Variants in STAC observed in about 807,000 individuals in gnomAD.
STAC encodes SH3 and cysteine rich domain.
In STAC, 43 loss-of-function variants were observed where a neutral mutation model predicts 48.8. That is an observed-to-expected ratio of 0.88 (90% CI 0.69 to 1.14). The LOEUF (loss-of-function observed/expected upper bound fraction) is 1.14, where lower values mean the gene tolerates loss of function less well. STAC is among the 50% of genes most tolerant of loss of function. The pLI is 0.00. For synonymous variants in STAC, 193 were observed against 179.5 expected, an observed-to-expected ratio of 1.07 and a Z score of -0.60; for missense variants, 497 against 504.0, an observed-to-expected ratio of 0.99 and a Z score of 0.13.
chr3:36,540,242 A>C (rs1006092156), intron 10 of STAC, among the ~76,000 whole-genome samples: 1 of 152,202 alleles, frequency 6.6e-6, no homozygotes, highest in Non-Finnish European at 1.5e-5. Context: ...CAGCCCTGCC[A>C]GCACCTTGTT....
chr3:36,485,594 A>T (rs1198406500), intron 4 of STAC, among the ~76,000 whole-genome samples: 1 of 152,198 alleles, frequency 6.6e-6, no homozygotes, highest in Non-Finnish European at 1.5e-5. Flanking sequence ...TTCTTCTCTA[A>T]CAATATCTTT....
At chr3:36,480,009 TACAA>T (rs1423228570) in intron 2 of STAC, among the ~76,000 whole-genome samples, 17 of 152,220 alleles carry the variant, frequency 1.1e-4, no homozygotes, top group Admixed American at 3.9e-4. Context: ...GTCTGGTTCA[TACAA>T]ACAGTGTACT....
At chr3:36,390,451 C>CTTTTTTTTTTTTTTTTTTTT (rs59589769) in intron 1 of STAC, among the ~76,000 whole-genome samples, 26 of 80,830 alleles carry the variant, frequency 3.2e-4, no homozygotes, top group South Asian at 5.1e-4. Flanking sequence ...TTTTTCTTTT[C>CTTTTTTTTTTTTTTTTTTTT]TTTTTTTTTT....
chr3:36,387,283 C>T (rs935794016), intron 1 of STAC, among the ~76,000 whole-genome samples: 3 of 151,952 alleles, frequency 2.0e-5, no homozygotes, highest in African/African-American at 7.2e-5. Context: ...TCCACGTAGA[C>T]ATCAAAACCA....
intron 1 of STAC, among the ~76,000 whole-genome samples, chr3:36,442,121 ATCCATTGATCATAAGAGAGAC>A: frequency 6.6e-6 from 1 of 152,206 alleles, no homozygotes; most frequent in Non-Finnish European, 1.5e-5. Context: ...GATCTGCATG[ATCCATTGATCATAAGAGAGAC>A]TGGTCCATCA....
intron 2 of STAC, among the ~76,000 whole-genome samples, chr3:36,459,636 G>T (rs904174732): frequency 6.6e-6 from 1 of 152,164 alleles, no homozygotes; most frequent in African/African-American, 2.4e-5. Context: ...ATGGTTTCAT[G>T]ATTTGGTTTT....
intron 5 of STAC, among the ~76,000 whole-genome samples, chr3:36,489,038 C>T (rs1243363202): frequency 6.6e-6 from 1 of 152,064 alleles, no homozygotes; most frequent in East Asian, 1.9e-4. Flanking sequence ...TTTTTAAGAC[C>T]CACTCTATTT....
At chr3:36,538,621 CA>C (rs1364115411) in intron 10 of STAC, among the ~76,000 whole-genome samples, 1 of 152,154 alleles carries the variant, frequency 6.6e-6, no homozygotes, top group Non-Finnish European at 1.5e-5. Context: ...TACACACTCA[CA>C]CCAGATGTTC....
intron 8 of STAC, among the ~76,000 whole-genome samples, chr3:36,527,337 C>G (rs762166810): frequency 1.3e-5 from 2 of 152,054 alleles, no homozygotes; most frequent in Non-Finnish European, 2.9e-5. Context: ...GATGGAAAGC[C>G]ACTTTCAGAA....
chr3:36,544,500 GTTTA>G (rs1161380522), intron 10 of STAC, among the ~76,000 whole-genome samples: 1 of 137,314 alleles, frequency 7.3e-6, no homozygotes, highest in Non-Finnish European at 1.7e-5. Flanking sequence ...TTATTTATTT[GTTTA>G]TTTATTTATT....
intron 1 of STAC, among the ~76,000 whole-genome samples, chr3:36,398,592 G>A (rs1332620497): frequency 1.6e-5 from 1 of 63,162 alleles, no homozygotes; most frequent in Non-Finnish European, 2.9e-5. Context: ...AAGGAAGGAA[G>A]GAAGGAAGAA....
intron 1 of STAC, among the ~76,000 whole-genome samples, chr3:36,435,007 T>C (rs567363624): frequency 1.4e-4 from 21 of 152,352 alleles, no homozygotes; most frequent in Non-Finnish European, 2.5e-4. Context: ...TTTAAGAGCT[T>C]TGGAGACAGA....
At position 36,478,620 on chromosome 3, in the gene STAC, G is replaced by A. The variant is rs114788900; in HGVS notation, c.389-4372G>A. ...AGTGATTCTCATGCCTCAGTCTCCCGAGTAACTGGGACTACAGGCACACGT... is the reference window on the plus strand; with the variant it reads ...AGTGATTCTCATGCCTCAGTCTCCCAAGTAACTGGGACTACAGGCACACGT... On this transcript the variant is annotated intron_variant, in intron 2 of 10. Coordinates refer to ENST00000273183, the MANE Select transcript of STAC (RefSeq NM_003149.3). Among the ~76,000 whole-genome samples the A allele has an allele frequency of 4.1e-3, 618 of 152,114 alleles. 1 individual carries two copies. The highest frequency in any genetic ancestry group is 6.6e-3 in the Non-Finnish European group (448 of 67,996).
intron 2 of STAC, among the ~76,000 whole-genome samples, chr3:36,454,897 G>T (rs1177675029): frequency 6.6e-6 from 1 of 152,156 alleles, no homozygotes; most frequent in Non-Finnish European, 1.5e-5. Flanking sequence ...CATGATGTTT[G>T]CAAGTGCTTT....
At chr3:36,442,289 T>A (rs1315236178) in intron 1 of STAC, among the ~76,000 whole-genome samples, 1 of 152,232 alleles carries the variant, frequency 6.6e-6, no homozygotes, top group African/African-American at 2.4e-5. Context: ...GCATCTTTTT[T>A]CTGCAGCTCT....
At position 36,384,001 on chromosome 3, in the gene STAC, C is replaced by T. The variant is rs1359407361; in HGVS notation, c.111+3247C>T. On this transcript the variant is annotated intron_variant, in intron 1 of 10. Coordinates refer to ENST00000273183, the MANE Select transcript of STAC (RefSeq NM_003149.3). ...GTTTAATGTAATTGTGGGTTTTCTT[C>T]TTTATGAAATTAGTTGAGTTGAATA... is the stretch of plus-strand genomic sequence containing the variant. Among the ~76,000 whole-genome samples, 5 of 152,238 alleles carry T rather than the reference C, an allele frequency of 3.3e-5. No homozygotes were observed. The South Asian group carries it at 8.3e-4, about 25-fold the overall frequency.
rs1318099200 is a variant in STAC at position 36,423,692 on chromosome 3, TTTTG to T, written c.112-19668_112-19665del. Reference sequence around the variant, plus strand: ...GATAAGTTTCTTTTTTTGTACTGTATTTTGTTTACCATGTGTGTATCATTATTAA... The same window carrying T: ...GATAAGTTTCTTTTTTTGTACTGTATTTTACCATGTGTGTATCATTATTAA... On this transcript the variant is annotated intron_variant, in intron 1 of 10. Coordinates refer to ENST00000273183, the MANE Select transcript of STAC (RefSeq NM_003149.3). Among the ~76,000 whole-genome samples the T allele has an allele frequency of 2.6e-5, 4 of 152,230 alleles. No homozygotes were observed. In the East Asian group the frequency reaches 7.7e-4, roughly 29 times the overall value.
intron 8 of STAC, among the ~76,000 whole-genome samples, chr3:36,513,604 T>A (rs918635035): frequency 2.0e-5 from 3 of 152,104 alleles, no homozygotes; most frequent in African/African-American, 4.8e-5. Context: ...ATGATTCACA[T>A]CCCTTCTCTA....
chr3:36,459,713 T>C (rs17035133), intron 2 of STAC, among the ~76,000 whole-genome samples: 20,633 of 152,204 alleles, frequency 0.14, 1,588 homozygotes, highest in African/African-American at 0.21. Flanking sequence ...TTCCAAATTA[T>C]GATAGATCAA....
Sources: gnomAD v4.1 joint callset for allele counts (sites outside exome capture counted in the v4.1 genomes callset) on GRCh38, gnomAD v4.1.1 for gene constraint, MANE v1.5 for transcripts, NCBI Gene and HGNC (gene_info 2026-07-23, HGNC 2026-07-21) for gene names.